The following MGAM variants were observed in gnomAD, a reference collection of about 807,000 sequenced individuals.
MGAM encodes the protein maltase-glucoamylase.
A neutral mutation model predicts 358.8 loss-of-function variants in MGAM; 253 were observed. That is an observed-to-expected ratio of 0.71 (90% CI 0.64 to 0.78). MGAM has a LOEUF of 0.78. Among genes scored for constraint, MGAM ranks in the 30% least tolerant of loss-of-function variants. The pLI, the probability that MGAM is intolerant of heterozygous loss-of-function variation, is 0.00. For missense variants in MGAM, 3,080 were observed against 3,432.6 expected (o/e 0.90, Z 2.57); for synonymous variants, 1,105 against 1,227.1 (o/e 0.90, Z 2.08).
At chr7:142,022,212 T>C (rs1206937928) in intron 6 of MGAM, 56 bp from the exon 7 acceptor site, 22 of 1,510,850 alleles carry the variant, frequency 1.5e-5, no homozygotes, top group Non-Finnish European at 1.7e-5. Flanking sequence ...TCTAAGCACT[T>C]ACGTTCTCTC....
rs1422591019 is a variant in MGAM at position 142,076,777 on chromosome 7, G to T, written c.5444G>T (p.Gly1815Val). Residue 1815 changes from glycine to valine, a missense_variant, in exon 47 of 71, where the codon GGT (glycine) becomes GTT (valine). This residue lies in a region of MGAM where 932 missense variants were observed against 1,198.2 expected (regional missense o/e 0.78). Transcript: ENST00000475668. Reference sequence around the variant, plus strand: ...AGCAATGTTACGGTGAAACACAATGGTGTCCCAAGTCAGACTTCTCCTACA... The same window carrying T: ...AGCAATGTTACGGTGAAACACAATGTTGTCCCAAGTCAGACTTCTCCTACA... ...EPSNVTVKHN[G>V]VPSQTSPTVT... 1.3e-6 allele frequency: 2 copies of T among 1,555,342 alleles called. No individual in the cohort carries two copies. The highest frequency in any genetic ancestry group is 1.1e-5 in the South Asian group (1 of 89,206).
Position 142,082,172 on chromosome 7 carries a change from C to T in MGAM, c.6133C>T (p.His2045Tyr). 1 of 1,555,340 alleles carries T rather than the reference C, an allele frequency of 6.4e-7. No individual in the cohort carries two copies. Among genetic ancestry groups the T allele is most frequent in the South Asian group, 1.1e-5 (1 of 89,156 alleles). ...HTSYRRDLEW[H>Y]TWGMFSRDQP... Reference sequence around the variant, plus strand: ...GTCCTACAGGAGAGACTTGGAGTGGCACACTTGGGGGATGTTCTCCCGAGA... The same window carrying T: ...GTCCTACAGGAGAGACTTGGAGTGGTACACTTGGGGGATGTTCTCCCGAGA... Residue 2045 changes from histidine to tyrosine, a missense_variant, in exon 51 of 71, where the codon CAC (histidine) becomes TAC (tyrosine). Around this residue, in one of 5 missense-constraint regions of MGAM, gnomAD observed 932 missense variants for 1,198.2 expected, o/e 0.78. Coordinates refer to ENST00000475668, the MANE Select transcript of MGAM (RefSeq NM_001365693.1).
chr7:142,030,799 T>C (rs782231194), intron 12 of MGAM, 42 bp downstream of exon 12: 3 of 1,292,466 alleles, frequency 2.3e-6, no homozygotes, highest in South Asian at 1.2e-5. Flanking sequence ...AGGGGCTGCA[T>C]AGGGGTGTTT....
At position 142,076,651 on chromosome 7, in the gene MGAM, T is replaced by C. The variant is rs751528767; in HGVS notation, c.5326-8T>C. 6.2e-5 allele frequency: 94 copies of C among 1,528,284 alleles called. 17 individuals are homozygous for C. The highest frequency in any genetic ancestry group is 8.4e-5 in the Non-Finnish European group (93 of 1,110,892). The allele number at this position is 1,528,284 out of a possible 1,614,324, so 94.7% of individuals were successfully genotyped here. On this transcript the variant is annotated splice_region_variant and splice_polypyrimidine_tract_variant and intron_variant, in intron 46 of 70. Coordinates refer to ENST00000475668, the MANE Select transcript of MGAM (RefSeq NM_001365693.1). ...CTTTATGCATAATTGGAGTTAATTG[T>C]TTTGCAGAACCACTTGGAGGTGACT...
At position 142,061,563 on chromosome 7, in the gene MGAM, C is replaced by A. The variant is rs370175663; in HGVS notation, c.4123-1005C>A. On this transcript the variant is annotated intron_variant, in intron 34 of 70. Transcript: ENST00000475668. ...TTCTAGACATCTGGGTTCCTACCTG[C>A]CCTTTATCTGTGGTGTATAAGAACT... Among the ~76,000 whole-genome samples, 4 of 152,102 alleles carry A rather than the reference C, an allele frequency of 2.6e-5. No individual in the cohort carries two copies. In the East Asian group the frequency reaches 7.7e-4, roughly 29 times the overall value.
intron 21 of MGAM, among the ~76,000 whole-genome samples, chr7:142,045,506 TAC>T (rs1198786880): frequency 1.8e-5 from 2 of 109,244 alleles, no homozygotes; most frequent in African/African-American, 8.0e-5. Flanking sequence ...TATTATATAT[TAC>T]ATATACATAT....
chr7:142,103,358 C>T lies in MGAM; in HGVS notation c.8103C>T (p.Gly2701=). ...KLGYIEIWGV[G]SVPVTSVSIS... ...GCTACATTGAAATCTGGGGAGTGGG[C>T]AGTGTCCCCGTTACCAGTGTCAGCA... The change falls in exon 70 of 71, where the codon GGC becomes GGT. Residue 2701 remains glycine, a synonymous_variant. Coordinates refer to ENST00000475668, the MANE Select transcript of MGAM (RefSeq NM_001365693.1). 2 of 1,613,072 alleles carry T rather than the reference C, an allele frequency of 1.2e-6. No individual in the cohort carries two copies. Among genetic ancestry groups the T allele is most frequent in the East Asian group, 4.5e-5 (2 of 44,830 alleles).
chr7:142,104,899 T>G (rs1327019794), intron 70 of MGAM, among the ~76,000 whole-genome samples: 1 of 152,202 alleles, frequency 6.6e-6, no homozygotes, highest in Admixed American at 6.5e-5. Context: ...AACTTTTTTC[T>G]TTCATAATCC....
At chr7:141,993,275 G>C (rs1584880075), upstream of MGAM, among the ~76,000 whole-genome samples, 1 of 152,178 alleles carries the variant, frequency 6.6e-6, no homozygotes, top group South Asian at 2.1e-4. Flanking sequence ...TTTAAACTAT[G>C]TGTGGTAAAA....
chr7:142,035,346 G>A (rs1807887694), intron 16 of MGAM, among the ~76,000 whole-genome samples: 1 of 152,046 alleles, frequency 6.6e-6, no homozygotes, highest in Non-Finnish European at 1.5e-5. Flanking sequence ...TTGCCCCAAG[G>A]GTTTACAGTT....
chr7:142,007,703 T>G (rs946091691), intron 2 of MGAM, among the ~76,000 whole-genome samples: 2 of 152,200 alleles, frequency 1.3e-5, no homozygotes, highest in Non-Finnish European at 2.9e-5. Context: ...TCTAATTTAC[T>G]GATTTTTAAA....
At position 142,094,468 on chromosome 7, in the gene MGAM, C is replaced by T. The variant is rs560641412; in HGVS notation, c.7277C>T (p.Ala2426Val). ...AGHWLGDNTA[A>V]WDQLKKSIIG... ...CATTGGCTGGGAGACAACACAGCCGCGTGGGATCAGCTGAAGAAGTCTATC... is the reference window on the plus strand; with the variant it reads ...CATTGGCTGGGAGACAACACAGCCGTGTGGGATCAGCTGAAGAAGTCTATC... Residue 2426 changes from alanine to valine, a missense_variant, in exon 61 of 71, where the codon GCG becomes GTG. Transcript: ENST00000475668. 16 of 1,536,414 alleles carry T rather than the reference C, an allele frequency of 1.0e-5. 1 individual carries two copies. The East Asian group carries it at 2.6e-4, about 25-fold the overall frequency.
At chr7:142,033,380 A>G (rs1259808875) in intron 14 of MGAM, among the ~76,000 whole-genome samples, 2 of 152,136 alleles carry the variant, frequency 1.3e-5, no homozygotes, top group South Asian at 2.1e-4. Flanking sequence ...ACGTGATGAT[A>G]CTCAGCTTTG....
chr7:142,008,672 A>C lies in MGAM; in HGVS notation c.294A>C (p.Arg98=). 1 of 1,613,434 alleles carries C rather than the reference A, an allele frequency of 6.2e-7. No homozygotes were observed. Among genetic ancestry groups the C allele is most frequent in the Non-Finnish European group, 8.5e-7 (1 of 1,179,582 alleles). Residue 98 remains arginine, a synonymous_variant, in exon 3 of 71, where the codon CGA becomes CGC. Transcript: ENST00000475668. ...AECPVVNELE[R]INCIPDQPPT... ...GTCCAGTGGTAAATGAATTGGAACG[A>C]ATTAATTGCATCCCTGACCAGCCGC...
intron 63 of MGAM, 60 bp downstream of exon 63, chr7:142,094,923 T>C: frequency 6.5e-7 from 1 of 1,539,354 alleles, no homozygotes; most frequent in South Asian, 1.2e-5. Flanking sequence ...ATTTCTGACC[T>C]AAAGTTAATG....
In MGAM at chr7:142,008,599, G is replaced by A. The variant is rs781891982; in HGVS notation, c.221G>A (p.Gly74Asp). 1.9e-6 allele frequency: 3 copies of A among 1,613,044 alleles called. No individual in the cohort carries two copies. In the East Asian group the frequency reaches 6.7e-5, roughly 36 times the overall value. The change falls in exon 3 of 71, where the codon GGT (glycine) becomes GAT (aspartate). Residue 74 changes from glycine (G) to aspartate (D), a missense_variant. Physicochemically the swap from Gly to Asp is moderately conservative, Grantham distance 94. Coordinates refer to ENST00000475668, the MANE Select transcript of MGAM (RefSeq NM_001365693.1). ...GGTACCACACATGCTAGGACAACGG[G>A]TCCCCCAGATCCTGGAACAACTGGT... ...TTGTTHARTT[G>D]PPDPGTTGTT...
intron 47 of MGAM, among the ~76,000 whole-genome samples, chr7:142,077,361 T>C (rs1813832370): frequency 6.9e-6 from 1 of 145,222 alleles, no homozygotes; most frequent in East Asian, 2.0e-4. Context: ...GGCTGGGGAC[T>C]AGTAGAACAG....
chr7:142,092,626 T>C lies in MGAM; in HGVS notation c.7033+18T>C. 6.6e-7 allele frequency: 1 copy of C among 1,514,360 alleles called. No individual in the cohort carries two copies. Among genetic ancestry groups the C allele is most frequent in the East Asian group, 2.3e-5 (1 of 42,594 alleles). The allele number at this position is 1,514,360 out of a possible 1,614,324, so 93.8% of individuals were successfully genotyped here. A position where few individuals can be genotyped will look rare whatever the true frequency, so the allele number is the denominator to read the frequency against. On this transcript the variant is annotated intron_variant, in intron 59 of 70. Coordinates refer to ENST00000475668, the MANE Select transcript of MGAM (RefSeq NM_001365693.1). ...CATGCCGTGTAAGAATCCTTGGCCT[T>C]CTTGATTGGCAGAGCCATGATTGAA...
intron 57 of MGAM, among the ~76,000 whole-genome samples, chr7:142,087,993 A>T (rs1289025634): frequency 6.8e-6 from 1 of 146,470 alleles, no homozygotes; most frequent in Non-Finnish European, 1.5e-5. Context: ...CCAAATATTC[A>T]TGCCTTATCC....
Sources: allele counts gnomAD v4.1 joint callset (sites outside exome capture counted in the v4.1 genomes callset), GRCh38; gene constraint gnomAD v4.1.1; regional missense constraint gnomAD v4.1.1; transcripts MANE v1.5; gene names NCBI Gene and HGNC (gene_info 2026-07-23, HGNC 2026-07-21).